Variants in NFYA observed in about 807,000 individuals in gnomAD.
NFYA encodes the protein CAAT-box DNA binding protein subunit A.
NFYA carries 28 observed loss-of-function variants against 52.8 expected under a neutral mutation model. The ratio of observed to expected loss-of-function variants is 0.53; its 90% CI spans 0.39 to 0.73. NFYA has a LOEUF of 0.73. NFYA is among the 30% of genes least tolerant of loss of function. The pLI is 0.00. For synonymous variants in NFYA, 150 were observed against 150.7 expected (o/e 1.00, Z 0.03); for missense variants, 234 against 427.0 (o/e 0.55, Z 3.98).
At position 41,084,164 on chromosome 6, in the gene NFYA, C is replaced by T. The variant is rs754482435; in HGVS notation, c.281C>T (p.Pro94Leu). The T allele has an allele frequency of 6.2e-7, 1 of 1,614,090 alleles. No individual in the cohort carries two copies. Residue 94 changes from proline (P) to leucine (L), a missense_variant, in exon 4 of 10, where the codon CCT becomes CTT. By Grantham distance (98) the Pro-to-Leu change is moderately conservative (BLOSUM62 -3). Transcript: ENST00000341376. ...CAAGGTCAAACCATCATGCAAGTAC[C>T]TGTTTCTGGAACACAGGGTTTGCAG... ...GGQGQTIMQV[P>L]VSGTQGLQQI...
rs958899529 is a variant in NFYA, at chr6:41,079,123, A to G, written c.34A>G (p.Thr12Ala). ...EQYTANSNSS[T>A]EQIVVQAGQI... ...GTATACAGCAAACAGCAATAGTTCG[A>G]CAGAGCAGATTGTTGTCCAGGCAGG... is the stretch of plus-strand genomic sequence containing the variant. The change falls in exon 2 of 10, where the codon ACA becomes GCA. Residue 12 changes from threonine to alanine, a missense_variant. Transcript: ENST00000341376. 3.7e-6 allele frequency: 6 copies of G among 1,614,108 alleles called. No homozygotes were observed. Among genetic ancestry groups the G allele is most frequent in the Non-Finnish European group, 5.1e-6 (6 of 1,180,038 alleles).
chr6:41,079,026 C>T lies in NFYA; in HGVS notation c.-61-3C>T, dbSNP rs1337407662. ...TTAGTTTCTTTCCCCACCTTTCTAA[C>T]AGGAGTGTACCTCACAGCCTTCTAG... On this transcript the variant is annotated splice_region_variant and splice_polypyrimidine_tract_variant and intron_variant, in intron 1 of 9. Transcript: ENST00000341376. The T allele has an allele frequency of 3.4e-6, 5 of 1,451,778 alleles. No individual in the cohort carries two copies. Among genetic ancestry groups the T allele is most frequent in the African/African-American group, 2.8e-5 (2 of 71,664 alleles). 89.9% of individuals were successfully genotyped at this position (1,451,778 alleles called of 1,614,324 possible).
intron 4 of NFYA, among the ~76,000 whole-genome samples, chr6:41,084,526 G>T (rs958360604): frequency 3.3e-5 from 5 of 152,140 alleles, no homozygotes; most frequent in Non-Finnish European, 5.9e-5. Context: ...AGCAAAAAGT[G>T]GGTCCAAATT....
In NFYA at chr6:41,101,579, C is replaced by T. The variant is rs905065297; in HGVS notation, c.*4169C>T. 3.3e-5 allele frequency among the ~76,000 whole-genome samples: 5 copies of T among 152,144 alleles called. No homozygotes were observed. Among genetic ancestry groups the T allele is most frequent in the Non-Finnish European group, 7.4e-5 (5 of 68,026 alleles). On this transcript the variant is annotated 3_prime_UTR_variant, in exon 10 of 10. Coordinates refer to ENST00000341376, the MANE Select transcript of NFYA (RefSeq NM_002505.5). The stretch of plus-strand genomic sequence containing the variant: ...AGTATATGCCCGCCGTTGTTCTGGC[C>T]GTAGCTATCTAGCAGCCACTCCGCG...
rs374796480 is a variant in NFYA at position 41,100,958 on chromosome 6, A to G, written c.*3548A>G. Reference sequence around the variant, plus strand: ...TTGATCGGCGGCAGGCCTCCAATAGAGCCTGCTAGGCGGATTGGCTGCTAC... The same window carrying G: ...TTGATCGGCGGCAGGCCTCCAATAGGGCCTGCTAGGCGGATTGGCTGCTAC... On this transcript the variant is annotated 3_prime_UTR_variant, in exon 10 of 10. Transcript: ENST00000341376. 13 of 152,196 alleles carry G rather than the reference A, an allele frequency of 8.5e-5. No homozygotes were observed. The East Asian group carries it at 1.9e-3, about 23-fold the overall frequency. 9.4% of individuals were successfully genotyped at this position (152,196 alleles called of 1,614,324 possible). A position where few individuals can be genotyped will look rare whatever the true frequency, so the allele number is the denominator to read the frequency against.
chr6:41,081,302 AC>A (rs1440234816), intron 3 of NFYA, among the ~76,000 whole-genome samples: 7 of 152,154 alleles, frequency 4.6e-5, no homozygotes, highest in African/African-American at 1.7e-4. Flanking sequence ...ATCCTGGCAA[AC>A]ATGGTGAAAC....
At position 41,098,735 on chromosome 6, in the gene NFYA, C is replaced by T. The variant is rs1358339152; in HGVS notation, c.*1325C>T. The stretch of plus-strand genomic sequence containing the variant: ...TCATGTTTTCTCCATAGGCCTTGTG[C>T]AGAAAGGTTTTCTCATTGCATCCAT... On this transcript the variant is annotated 3_prime_UTR_variant, in exon 10 of 10. Transcript: ENST00000341376. The T allele has an allele frequency of 6.6e-6, 1 of 152,634 alleles. No homozygotes were observed. The highest frequency in any genetic ancestry group is 2.4e-5 in the African/African-American group (1 of 41,440). 9.5% of individuals were successfully genotyped at this position (152,634 alleles called of 1,614,324 possible).
intron 4 of NFYA, among the ~76,000 whole-genome samples, chr6:41,085,402 G>T (rs2113803218): frequency 6.6e-6 from 1 of 152,254 alleles, no homozygotes; most frequent in South Asian, 2.1e-4. Flanking sequence ...GAAATGAACT[G>T]TTGACTTGGG....
At chr6:41,074,061 A>G (rs949705484) in intron 1 of NFYA, among the ~76,000 whole-genome samples, 3 of 152,184 alleles carry the variant, frequency 2.0e-5, no homozygotes, top group East Asian at 1.9e-4. Context: ...TCCACTGCTC[A>G]TTTTGTGAAA....
At position 41,090,275 on chromosome 6, in the gene NFYA, A is replaced by G. The variant is rs2113812915; in HGVS notation, c.513A>G (p.Gln171=). The G allele has an allele frequency of 1.2e-6, 2 of 1,613,968 alleles. No individual in the cohort carries two copies. Among genetic ancestry groups the G allele is most frequent in the South Asian group, 1.1e-5 (1 of 91,088 alleles). The change falls in exon 6 of 10, where the codon CAA becomes CAG. Residue 171 remains glutamine, a synonymous_variant. Transcript: ENST00000341376. ...QTAEGQTIVY[Q]PVNADGTILQ... is the part of the protein sequence containing the mutation. ...CTGAAGGGCAGACCATCGTCTATCA[A>G]CCAGTTAATGCAGATGGCACCATTC... is the stretch of plus-strand genomic sequence containing the variant.
intron 1 of NFYA, among the ~76,000 whole-genome samples, chr6:41,077,348 C>T (rs1196559153): frequency 6.6e-6 from 1 of 152,110 alleles, no homozygotes; most frequent in African/African-American, 2.4e-5. Context: ...ATTTTCATCA[C>T]CCTACAATGT....
chr6:41,074,807 G>A (rs745947713), intron 1 of NFYA, among the ~76,000 whole-genome samples: 11 of 152,180 alleles, frequency 7.2e-5, no homozygotes, highest in Non-Finnish European at 1.2e-4. Context: ...TTTCTGACTT[G>A]TTTATGGGTT....
In NFYA at chr6:41,098,428, C is replaced by CA. The variant is rs1204869451; in HGVS notation, c.*1019dup. The CA allele has an allele frequency of 6.6e-6, 1 of 152,084 alleles. No individual in the cohort carries two copies. The highest frequency in any genetic ancestry group is 1.5e-5 in the Non-Finnish European group (1 of 68,054). The allele number at this position is 152,084 out of a possible 1,614,324, so 9.4% of individuals were successfully genotyped here. On this transcript the variant is annotated 3_prime_UTR_variant, in exon 10 of 10. Transcript: ENST00000341376. ...TGTATACCCGTATGTTATCATAGAGCACGATTCTCCAGTGGATGGATACCT... is the reference window on the plus strand; with the variant it reads ...TGTATACCCGTATGTTATCATAGAGCAACGATTCTCCAGTGGATGGATACCT...
intron 3 of NFYA, among the ~76,000 whole-genome samples, chr6:41,082,714 T>C (rs1014479212): frequency 2.0e-5 from 3 of 152,268 alleles, no homozygotes; most frequent in Admixed American, 6.5e-5. Context: ...TCTTGCTATA[T>C]GTATTCTGAG....
intron 1 of NFYA, among the ~76,000 whole-genome samples, chr6:41,078,480 C>CT (rs1217552172): frequency 2.0e-5 from 3 of 151,840 alleles, no homozygotes; most frequent in African/African-American, 4.8e-5. Context: ...CGATTGCTAA[C>CT]TTATATCATT....
In NFYA at chr6:41,098,937, C is replaced by G. The variant is rs925032074; in HGVS notation, c.*1527C>G. The G allele has an allele frequency of 6.6e-6, 1 of 152,318 alleles. No homozygotes were observed. Among genetic ancestry groups the G allele is most frequent in the Admixed American group, 6.6e-5 (1 of 15,258 alleles). The allele number at this position is 152,318 out of a possible 1,614,324, so 9.4% of individuals were successfully genotyped here. On this transcript the variant is annotated 3_prime_UTR_variant, in exon 10 of 10. Coordinates refer to ENST00000341376, the MANE Select transcript of NFYA (RefSeq NM_002505.5). ...TGCCTTCTCTGGAAACAAGGAAAACCCAATAATTCCGAGGAACATTGGGGG... is the reference window on the plus strand; with the variant it reads ...TGCCTTCTCTGGAAACAAGGAAAACGCAATAATTCCGAGGAACATTGGGGG...
intron 9 of NFYA, among the ~76,000 whole-genome samples, chr6:41,096,728 C>T (rs184909364): frequency 3.7e-4 from 57 of 152,272 alleles, no homozygotes; most frequent in Middle Eastern, 3.4e-3. Context: ...AAGGATTTAT[C>T]CTTGTGTTAA....
At chr6:41,081,429 G>A (rs546307702) in intron 3 of NFYA, among the ~76,000 whole-genome samples, 1 of 151,828 alleles carries the variant, frequency 6.6e-6, no homozygotes, top group East Asian at 1.9e-4. Context: ...GGCAGAGCTT[G>A]CAGTGAGCAG....
At chr6:41,085,324 A>C (rs1764016976) in intron 4 of NFYA, among the ~76,000 whole-genome samples, 1 of 152,244 alleles carries the variant, frequency 6.6e-6, no homozygotes, top group Non-Finnish European at 1.5e-5. Context: ...GTGTCCATTA[A>C]TAAGAATAAG....
Sources: gnomAD v4.1 joint callset for allele counts (sites outside exome capture counted in the v4.1 genomes callset) on GRCh38, gnomAD v4.1.1 for gene constraint, MANE v1.5 for transcripts, NCBI Gene and HGNC (gene_info 2026-07-23, HGNC 2026-07-21) for gene names.